The following FRMPD2 variants were observed in gnomAD, a reference collection of about 807,000 sequenced individuals.
The protein encoded by FRMPD2 is FERM and PDZ domain-containing protein 2.
A neutral mutation model predicts 140.1 loss-of-function variants in FRMPD2; 96 were observed. The ratio of observed to expected loss-of-function variants is 0.69; its 90% confidence interval spans 0.58 to 0.81. FRMPD2 has a LOEUF of 0.81. FRMPD2 is among the 40% of genes least tolerant of loss of function. The pLI is 0.00. For missense variants in FRMPD2, 1,240 were observed against 1,447.4 expected (o/e 0.86, Z 2.32); for synonymous variants, 449 against 547.6 (o/e 0.82, Z 2.52).
intron 1 of FRMPD2, among the ~76,000 whole-genome samples, chr10:48,256,273 TC>T (rs916180122): frequency 1.4e-5 from 2 of 142,160 alleles, no homozygotes; most frequent in African/African-American, 5.0e-5. Context: ...GCCCAGTCAA[TC>T]CCCGAGTGTC....
At chr10:48,223,066 C>G (rs2131905393) in intron 11 of FRMPD2, 57 bp downstream of exon 11, 1 of 1,508,622 alleles carries the variant, frequency 6.6e-7, no homozygotes, top group East Asian at 2.3e-5. Flanking sequence ...ACCTCTCCGT[C>G]AGCCTGGACA....
intron 16 of FRMPD2, among the ~76,000 whole-genome samples, chr10:48,187,693 T>C (rs1838721497): frequency 6.6e-6 from 1 of 152,212 alleles, no homozygotes; most frequent in Non-Finnish European, 1.5e-5. Flanking sequence ...CCAGCACTCT[T>C]AGTGGATACT....
At chr10:48,227,183 T>C (rs528213361) in intron 10 of FRMPD2, among the ~76,000 whole-genome samples, 1 of 152,268 alleles carries the variant, frequency 6.6e-6, no homozygotes, top group Non-Finnish European at 1.5e-5. Context: ...CTCTGAATTG[T>C]GACTCTTGTG....
At chr10:48,254,365 T>A (rs1292391622) in intron 1 of FRMPD2, among the ~76,000 whole-genome samples, 1 of 152,224 alleles carries the variant, frequency 6.6e-6, no homozygotes, top group African/African-American at 2.4e-5. Context: ...TGCAAATTCC[T>A]TTTCTTGACC....
At chr10:48,191,003 G>A (rs993374355) in intron 16 of FRMPD2, among the ~76,000 whole-genome samples, 2 of 152,192 alleles carry the variant, frequency 1.3e-5, no homozygotes, top group African/African-American at 2.4e-5. Context: ...GGTCTTGGAC[G>A]CTCCTACATC....
chr10:48,257,351 C>A (rs554967291), intron 1 of FRMPD2, among the ~76,000 whole-genome samples: 2 of 151,984 alleles, frequency 1.3e-5, no homozygotes, highest in African/African-American at 2.4e-5. Context: ...GTGATCTCGG[C>A]TCTCTGCAAC....
intron 27 of FRMPD2, among the ~76,000 whole-genome samples, chr10:48,164,710 TAAG>T (rs1271526085): frequency 1.3e-5 from 2 of 150,114 alleles, no homozygotes; most frequent in Non-Finnish European, 3.0e-5. Flanking sequence ...ATCAAAATTT[TAAG>T]AAGACCATAT....
At chr10:48,195,023 A>G (rs1481472230) in intron 15 of FRMPD2, among the ~76,000 whole-genome samples, 1 of 152,210 alleles carries the variant, frequency 6.6e-6, no homozygotes, top group African/African-American at 2.4e-5. Context: ...CTAGGGAAAT[A>G]AGGCTGAATC....
At chr10:48,250,707 T>A (rs1321540500) in intron 2 of FRMPD2, among the ~76,000 whole-genome samples, 3 of 151,398 alleles carry the variant, frequency 2.0e-5, no homozygotes, top group African/African-American at 7.3e-5. Context: ...CACACCAGCG[T>A]TTTCTTATGC....
At chr10:48,181,927 A>G (rs950804350) in intron 20 of FRMPD2, among the ~76,000 whole-genome samples, 2 of 113,128 alleles carry the variant, frequency 1.8e-5, no homozygotes, top group African/African-American at 6.3e-5. Flanking sequence ...CGCACAGCTT[A>G]GTACATGGTA....
intron 17 of FRMPD2, among the ~76,000 whole-genome samples, chr10:48,186,844 A>G (rs940798309): frequency 9.2e-5 from 14 of 152,184 alleles, no homozygotes; most frequent in African/African-American, 3.1e-4. Context: ...TACTCTGTGT[A>G]TGTTTTCTGG....
At chr10:48,216,792 C>T (rs1056026598) in intron 12 of FRMPD2, among the ~76,000 whole-genome samples, 3 of 152,196 alleles carry the variant, frequency 2.0e-5, no homozygotes, top group Admixed American at 2.0e-4. Flanking sequence ...GGCCATATAG[C>T]TACTGAACCA....
chr10:48,213,940 G>C (rs753280969), intron 12 of FRMPD2, among the ~76,000 whole-genome samples: 1 of 152,166 alleles, frequency 6.6e-6, no homozygotes, highest in Admixed American at 6.5e-5. Context: ...GAGACCGGGA[G>C]CCAGGAAGAA....
At chr10:48,262,948 T>A (rs1300540334) in intron 1 of FRMPD2, among the ~76,000 whole-genome samples, 1 of 151,880 alleles carries the variant, frequency 6.6e-6, no homozygotes, top group Non-Finnish European at 1.5e-5. Flanking sequence ...ATACAAAGTA[T>A]GATTTCTCTC....
At chr10:48,241,458 T>C (rs1840102963) in intron 5 of FRMPD2, among the ~76,000 whole-genome samples, 1 of 152,228 alleles carries the variant, frequency 6.6e-6, no homozygotes, top group Admixed American at 6.5e-5. Context: ...CATGGTGCCA[T>C]TCCTGCAACA....
chr10:48,274,019 T>A (rs1840813734), intron 1 of FRMPD2, among the ~76,000 whole-genome samples: 2 of 152,160 alleles, frequency 1.3e-5, no homozygotes, highest in African/African-American at 4.8e-5. Flanking sequence ...ATACCCTGAG[T>A]CTTCTTACTT....
At position 48,206,886 on chromosome 10, in the gene FRMPD2, G is replaced by C; in HGVS notation, c.1659C>G (p.Phe553Leu). The C allele has an allele frequency of 6.2e-7, 1 of 1,614,032 alleles. No individual in the cohort carries two copies. Among genetic ancestry groups the C allele is most frequent in the Non-Finnish European group, 8.5e-7 (1 of 1,179,954 alleles). ...PEYGVLVHQV[F>L]SEKRRPEEEM... ...CCTCTTCTGGCCTCCTCTTCTCTGA[G>C]AATACTTGGTGAACCAGCACACCGT... is the stretch of plus-strand genomic sequence containing the variant. Residue 553 changes from phenylalanine (F) to leucine (L), a missense_variant, in exon 14 of 29, where the codon TTC becomes TTG. Physicochemically the swap from Phe to Leu is conservative, Grantham distance 22. Transcript: ENST00000374201.
At chr10:48,190,235 C>T (rs1838796689) in intron 16 of FRMPD2, among the ~76,000 whole-genome samples, 1 of 152,208 alleles carries the variant, frequency 6.6e-6, no homozygotes, top group South Asian at 2.1e-4. Context: ...GAGCTGACAG[C>T]ATCCTGGCTC....
chr10:48,250,552 C>T (rs554116829), intron 2 of FRMPD2, among the ~76,000 whole-genome samples: 1 of 152,080 alleles, frequency 6.6e-6, no homozygotes, highest in South Asian at 2.1e-4. Context: ...AAGTGCACGC[C>T]ACCACGCCCG....
Sources: allele counts gnomAD v4.1 joint callset (sites outside exome capture counted in the v4.1 genomes callset), GRCh38; gene constraint gnomAD v4.1.1; transcripts MANE v1.5; gene names NCBI Gene and HGNC (gene_info 2026-07-23, HGNC 2026-07-21).